The following COL6A6 variants were observed in gnomAD, a reference collection of about 807,000 sequenced individuals.
COL6A6 encodes the protein collagen alpha-6(VI) chain.
Under a neutral mutation model 208.6 loss-of-function variants are expected in COL6A6, and 183 were observed. The observed-to-expected ratio is 0.88, with a 90% CI of 0.78 to 0.99. The LOEUF is 0.99. Ranked by LOEUF, COL6A6 falls within the 50% of genes least tolerant of loss-of-function variation. The pLI is 0.00. For synonymous variants in COL6A6, 973 were observed against 1,011.8 expected (o/e 0.96, Z 0.73); for missense variants, 2,816 against 2,815.2 (o/e 1.00, Z -0.01).
chr3:130,576,053 A>G (rs2063288488), intron 8 of COL6A6, among the ~76,000 whole-genome samples: 1 of 152,098 alleles, frequency 6.6e-6, no homozygotes, highest in Non-Finnish European at 1.5e-5. Context: ...GGAGCCCACA[A>G]CAGCTTGCTC....
chr3:130,570,131 GAATT>G (rs370798067), intron 6 of COL6A6, among the ~76,000 whole-genome samples: 26 of 152,344 alleles, frequency 1.7e-4, no homozygotes, highest in African/African-American at 5.3e-4. Context: ...CATGGATTAA[GAATT>G]AATTGGGTCT....
rs149211247 is a variant in COL6A6, at chr3:130,587,633, A to G, written c.4125+973A>G. ...TGTGGCTCTACTTCTACTTTAATGA[A>G]TTGCTAGTAATTTTGTAATTTGCTT... On this transcript the variant is annotated intron_variant, in intron 11 of 36. Transcript: ENST00000358511. 7.0e-4 allele frequency among the ~76,000 whole-genome samples: 106 copies of G among 152,350 alleles called. 1 individual carries two copies. Among genetic ancestry groups the G allele is most frequent in the African/African-American group, 2.5e-3 (103 of 41,580 alleles).
chr3:130,528,881 G>A (rs2062019530), intron 1 of COL6A6, among the ~76,000 whole-genome samples: 1 of 152,168 alleles, frequency 6.6e-6, no homozygotes, highest in African/African-American at 2.4e-5. Context: ...CACAAGGTCG[G>A]AAGATCGAAA....
At chr3:130,619,397 A>G (rs1254076604) in intron 23 of COL6A6, among the ~76,000 whole-genome samples, 1 of 152,238 alleles carries the variant, frequency 6.6e-6, no homozygotes, top group Non-Finnish European at 1.5e-5. Flanking sequence ...ACGTAAGACA[A>G]ACATTTGATG....
intron 7 of COL6A6, among the ~76,000 whole-genome samples, chr3:130,573,026 T>A (rs1025466820): frequency 6.6e-5 from 10 of 152,224 alleles, no homozygotes; most frequent in Admixed American, 5.9e-4. Context: ...ATCTTTATAT[T>A]GCATTGCTTG....
At chr3:130,652,648 G>A (rs2065678506) in intron 33 of COL6A6, among the ~76,000 whole-genome samples, 1 of 152,230 alleles carries the variant, frequency 6.6e-6, no homozygotes, top group African/African-American at 2.4e-5. Flanking sequence ...AGAACCCAAT[G>A]TCTGATATTA....
At position 130,608,763 on chromosome 3, in the gene COL6A6, CTTTTTTTTTTTTTTTTT is replaced by C. The variant is rs752049202; in HGVS notation, c.4690-128_4690-112del. 2.6e-5 allele frequency: 8 copies of C among 310,146 alleles called. No homozygotes were observed. In the African/African-American group the frequency reaches 4.6e-4, roughly 18 times the overall value. The allele number at this position is 310,146 out of a possible 1,614,324, so 19.2% of individuals were successfully genotyped here. ...CTTTGTATTTGCATTTATTTTTCAC[CTTTTTTTTTTTTTTTTT>C]TTTTTTTTTTGCAAAGATCCTGCAT... On this transcript the variant is annotated intron_variant, in intron 21 of 36. Coordinates refer to ENST00000358511, the MANE Select transcript of COL6A6 (RefSeq NM_001102608.3).
At chr3:130,521,874 A>C (rs1472541089) in intron 1 of COL6A6, among the ~76,000 whole-genome samples, 1 of 152,306 alleles carries the variant, frequency 6.6e-6, no homozygotes, top group East Asian at 1.9e-4. Flanking sequence ...GAGGTACCCA[A>C]TGGAACCGAG....
intron 12 of COL6A6, chr3:130,589,961 C>G (rs531495049): frequency 2.3e-6 from 1 of 442,238 alleles, no homozygotes; most frequent in African/African-American, 2.0e-5. Flanking sequence ...TAATTATTTC[C>G]TGAATGTTTC....
chr3:130,562,130 T>G (rs2062903698), intron 2 of COL6A6, among the ~76,000 whole-genome samples: 1 of 152,182 alleles, frequency 6.6e-6, no homozygotes, highest in Non-Finnish European at 1.5e-5. Flanking sequence ...AAGAAATGGA[T>G]CTTATGCTAA....
intron 19 of COL6A6, among the ~76,000 whole-genome samples, chr3:130,599,275 A>G (rs1206114833): frequency 6.6e-6 from 1 of 152,218 alleles, no homozygotes; most frequent in Non-Finnish European, 1.5e-5. Context: ...ATACTTTTGT[A>G]TCTAATGATC....
chr3:130,572,068 C>T (rs919612230), intron 7 of COL6A6, among the ~76,000 whole-genome samples: 2 of 152,078 alleles, frequency 1.3e-5, no homozygotes, highest in African/African-American at 4.8e-5. Flanking sequence ...CCTCTTTATG[C>T]AAGAAACAAA....
At chr3:130,615,922 T>G (rs549591273) in intron 23 of COL6A6, among the ~76,000 whole-genome samples, 47 of 152,314 alleles carry the variant, frequency 3.1e-4, no homozygotes, top group African/African-American at 1.1e-3. Flanking sequence ...CATAAATCTT[T>G]CAGCCTCTTG....
At chr3:130,578,625 C>T (rs1472841038) in intron 8 of COL6A6, among the ~76,000 whole-genome samples, 2 of 152,110 alleles carry the variant, frequency 1.3e-5, no homozygotes, top group African/African-American at 4.8e-5. Context: ...AGAGGATTTA[C>T]CTGCCAATTG....
chr3:130,655,724 T>C (rs2065769729), intron 33 of COL6A6, among the ~76,000 whole-genome samples: 1 of 152,212 alleles, frequency 6.6e-6, no homozygotes. Flanking sequence ...CTAAGAGCTA[T>C]TTGTAAATCT....
intron 35 of COL6A6, 100 bp from the exon 36 acceptor site, chr3:130,664,903 G>A: frequency 1.4e-6 from 1 of 718,348 alleles, no homozygotes; most frequent in Non-Finnish European, 2.4e-6. Flanking sequence ...TTTTCTTGAT[G>A]GCTATTTAAA....
intron 29 of COL6A6, 147 bp downstream of exon 29, chr3:130,641,861 C>A: frequency 1.9e-6 from 1 of 513,262 alleles, no homozygotes; most frequent in Non-Finnish European, 3.6e-6. Context: ...GGAGAAAATA[C>A]TGATTAAATA....
intron 28 of COL6A6, among the ~76,000 whole-genome samples, chr3:130,641,238 G>A (rs1391700908): frequency 1.4e-5 from 2 of 148,064 alleles, no homozygotes; most frequent in Non-Finnish European, 3.0e-5. Flanking sequence ...ACAACAAACA[G>A]TAAGGGACTA....
chr3:130,569,860 T>A (rs554351431), intron 6 of COL6A6, among the ~76,000 whole-genome samples: 1 of 152,314 alleles, frequency 6.6e-6, no homozygotes, highest in Non-Finnish European at 1.5e-5. Flanking sequence ...ATAAGTACAA[T>A]GGCTCTAAGG....
Sources: gnomAD v4.1 joint callset for allele counts (sites outside exome capture counted in the v4.1 genomes callset) on GRCh38, gnomAD v4.1.1 for gene constraint, MANE v1.5 for transcripts, NCBI Gene and HGNC (gene_info 2026-07-23, HGNC 2026-07-21) for gene names.